Variants in PDE6G observed in about 807,000 individuals in gnomAD.
PDE6G encodes the protein rod cGMP 3',5'-cyclic phosphodiesterase subunit gamma.
In PDE6G, 10 loss-of-function variants were observed where a neutral mutation model predicts 10.9. The ratio of observed to expected loss-of-function variants is 0.91; its 90% CI spans 0.56 to 1.55. The LOEUF (loss-of-function observed/expected upper bound fraction) is 1.55, where lower values mean the gene tolerates loss of function less well. Among genes scored for constraint, PDE6G ranks in the 40% most tolerant of loss-of-function variants. The probability of loss-of-function intolerance (pLI) is 0.00; values close to 1 mark genes in which losing one functional copy is unlikely to be tolerated. For missense variants in PDE6G, 102 were observed against 110.1 expected (o/e 0.93, Z 0.33); for synonymous variants, 41 against 42.8 (o/e 0.96, Z 0.16).
chr17:81,653,200 T>G lies in PDE6G; in HGVS notation c.106A>C (p.Arg36=). The change falls in exon 2 of 4, where the codon AGG becomes CGG. Residue 36 remains arginine, a synonymous_variant. Coordinates refer to ENST00000331056, the MANE Select transcript of PDE6G (RefSeq NM_002602.4). The surrounding 1 kb of genome is among the most constrained non-coding windows in gnomAD (Gnocchi z 5.2). ...GPPKFKQRQT[R]QFKSKPPKKG... is the part of the protein sequence containing the mutation. Reference sequence around the variant, plus strand: ...TTTGGGGGCTTGCTCTTGAACTGCCTGGTCTGTCGCTGCTTAAATTTAGGG... The same window carrying G: ...TTTGGGGGCTTGCTCTTGAACTGCCGGGTCTGTCGCTGCTTAAATTTAGGG... 3 of 1,614,172 alleles carry G rather than the reference T, an allele frequency of 1.9e-6. No individual in the cohort carries two copies. Among genetic ancestry groups the G allele is most frequent in the Non-Finnish European group, 2.5e-6 (3 of 1,180,032 alleles).
chr17:81,651,422 C>T lies in PDE6G; in HGVS notation c.187+223G>A, dbSNP rs532321770. On this transcript the variant is annotated intron_variant, in intron 3 of 3. Coordinates refer to ENST00000331056, the MANE Select transcript of PDE6G (RefSeq NM_002602.4). This position sits in a 1 kb window ranked among gnomAD's most constrained non-coding sequence, Gnocchi z 4.8. ...GGGTTCTGTTCTTTCCCAAACCCCT[C>T]CCCTCACCTGGTGCAAGTGTCCCAA... 2.0e-5 allele frequency among the ~76,000 whole-genome samples: 3 copies of T among 152,144 alleles called. No individual in the cohort carries two copies. The South Asian group carries it at 6.2e-4, about 32-fold the overall frequency.
In PDE6G at chr17:81,653,461, G is replaced by T. The variant is rs1239877833; in HGVS notation, c.-59-97C>A. 1.3e-6 allele frequency: 1 copy of T among 768,184 alleles called. No individual in the cohort carries two copies. Among genetic ancestry groups the T allele is most frequent in the Non-Finnish European group, 2.1e-6 (1 of 474,586 alleles). The allele number at this position is 768,184 out of a possible 1,614,324, so 47.6% of individuals were successfully genotyped here. On this transcript the variant is annotated intron_variant, in intron 1 of 3. Transcript: ENST00000331056. This position sits in a 1 kb window ranked among gnomAD's most constrained non-coding sequence, Gnocchi z 5.2. Reference sequence around the variant, plus strand: ...GGTGGAGGGGCTGAGACCCAGCCCCGCCAGCTCCAGCGTCATCCAGACAGC... The same window carrying T: ...GGTGGAGGGGCTGAGACCCAGCCCCTCCAGCTCCAGCGTCATCCAGACAGC...
Position 81,653,017 on chromosome 17 carries a change from G to A in PDE6G, c.146+143C>T. 2.0e-6 allele frequency: 2 copies of A among 987,470 alleles called. No homozygotes were observed. Among genetic ancestry groups the A allele is most frequent in the African/African-American group, 3.2e-5 (2 of 62,966 alleles). 61.2% of individuals were successfully genotyped at this position (987,470 alleles called of 1,614,324 possible). The stretch of plus-strand genomic sequence containing the variant: ...CCTCCATCCCTGCTCAGGCCCTCAG[G>A]CACCGCCCTACCTTCCCCAGCTGTG... On this transcript the variant is annotated intron_variant, in intron 2 of 3. Transcript: ENST00000331056. This position sits in a 1 kb window ranked among gnomAD's most constrained non-coding sequence, Gnocchi z 5.2.
At chr17:81,660,347 G>T (rs57496994), upstream of PDE6G, among the ~76,000 whole-genome samples, 5,749 of 152,216 alleles carry the variant, frequency 0.038, 364 homozygotes, top group African/African-American at 0.13. Flanking sequence ...GGTAAGTGGA[G>T]GTTGCAGTGA....
chr17:81,660,537 T>C (rs68177983), upstream of PDE6G, among the ~76,000 whole-genome samples: 27,922 of 152,218 alleles, frequency 0.18, 2,563 homozygotes, highest in Middle Eastern at 0.24. Context: ...AACTGTTTTT[T>C]GTTTGTTTTT....
upstream of PDE6G, among the ~76,000 whole-genome samples, chr17:81,658,349 G>A (rs902259616): frequency 1.3e-5 from 2 of 151,040 alleles, no homozygotes; most frequent in Admixed American, 6.6e-5. Context: ...CTCCCGAAGT[G>A]CTGGGATTAC....
chr17:81,650,912 T>A lies in PDE6G; in HGVS notation c.*162A>T, dbSNP rs777723835. On this transcript the variant is annotated 3_prime_UTR_variant, in exon 4 of 4. Transcript: ENST00000331056. ...CTAGAGGGAGGTGGTGGGCTCCTGG[T>A]GACTGGTATTAATATGTAGGGGGAG... is the stretch of plus-strand genomic sequence containing the variant. The A allele has an allele frequency of 3.5e-5, 24 of 691,366 alleles. No individual in the cohort carries two copies. Among genetic ancestry groups the A allele is most frequent in the Non-Finnish European group, 5.9e-5 (22 of 374,498 alleles). 42.8% of individuals were successfully genotyped at this position (691,366 alleles called of 1,614,324 possible).
At chr17:81,655,324 G>C (rs2036429644) in intron 1 of PDE6G, among the ~76,000 whole-genome samples, 1 of 152,246 alleles carries the variant, frequency 6.6e-6, no homozygotes, top group Admixed American at 6.5e-5. Flanking sequence ...ACTTCATAGA[G>C]GGACAAGCTG....
intron 1 of PDE6G, among the ~76,000 whole-genome samples, chr17:81,662,549 C>T (rs775012549): frequency 2.0e-5 from 3 of 151,046 alleles, no homozygotes. Flanking sequence ...CTTGAACCCG[C>T]GAGGTGGAGG....
Position 81,653,567 on chromosome 17 carries a change from G to A in PDE6G, c.-59-203C>T. 3 of 531,712 alleles carry A rather than the reference G, an allele frequency of 5.6e-6. No individual in the cohort carries two copies. In the South Asian group the frequency reaches 6.1e-5, roughly 11 times the overall value. The allele number at this position is 531,712 out of a possible 1,614,324, so 32.9% of individuals were successfully genotyped here. A position where few individuals can be genotyped will look rare whatever the true frequency, so the allele number is the denominator to read the frequency against. On this transcript the variant is annotated intron_variant, in intron 1 of 3. Coordinates refer to ENST00000331056, the MANE Select transcript of PDE6G (RefSeq NM_002602.4). The surrounding 1 kb of genome is among the most constrained non-coding windows in gnomAD (Gnocchi z 5.2). ...CGCACGCTCCCATTCCCCTTGCCTAGTGGATGCCCCCCTGCAACGCTGGCC... is the reference window on the plus strand; with the variant it reads ...CGCACGCTCCCATTCCCCTTGCCTAATGGATGCCCCCCTGCAACGCTGGCC...
Position 81,651,577 on chromosome 17 carries a change from C to A in PDE6G, c.187+68G>T. On this transcript the variant is annotated intron_variant, in intron 3 of 3. Transcript: ENST00000331056. This position sits in a 1 kb window ranked among gnomAD's most constrained non-coding sequence, Gnocchi z 4.8. The stretch of plus-strand genomic sequence containing the variant: ...GGGGCCGAGGTGGGCTGCAATGGGC[C>A]CCGGGCGTGCTGGGTGTGCCTGGGG... 1 of 1,490,618 alleles carries A rather than the reference C, an allele frequency of 6.7e-7. No homozygotes were observed. The allele number at this position is 1,490,618 out of a possible 1,614,324, so 92.3% of individuals were successfully genotyped here.
rs745331157 is a variant in PDE6G at position 81,651,171 on chromosome 17, G to T, written c.188-21C>A. The T allele has an allele frequency of 2.5e-6, 4 of 1,571,070 alleles. No individual in the cohort carries two copies. The East Asian group carries it at 9.0e-5, about 35-fold the overall frequency. Reference sequence around the variant, plus strand: ...GATGTCTGTGGGAGAAACGGGCCACGGATCAGAGAGGATCCCACGGCCTAG... The same window carrying T: ...GATGTCTGTGGGAGAAACGGGCCACTGATCAGAGAGGATCCCACGGCCTAG... On this transcript the variant is annotated intron_variant, in intron 3 of 3. Transcript: ENST00000331056. The surrounding 1 kb of genome is among the most constrained non-coding windows in gnomAD (Gnocchi z 4.8).
In PDE6G at chr17:81,653,168, G is replaced by C; in HGVS notation, c.138C>G (p.Gly46=). 6.2e-7 allele frequency: 1 copy of C among 1,613,902 alleles called. No individual in the cohort carries two copies. The change falls in exon 2 of 4, where the codon GGC becomes GGG. Residue 46 remains glycine, a synonymous_variant. Coordinates refer to ENST00000331056, the MANE Select transcript of PDE6G (RefSeq NM_002602.4). The surrounding 1 kb of genome is among the most constrained non-coding windows in gnomAD (Gnocchi z 5.2). Reference sequence around the variant, plus strand: ...CCCCCAGCTCTGCTTACCCTTGAACGCCTTTCTTTGGGGGCTTGCTCTTGA... The same window carrying C: ...CCCCCAGCTCTGCTTACCCTTGAACCCCTTTCTTTGGGGGCTTGCTCTTGA... ...RQFKSKPPKK[G]VQGFGDDIPG...
At chr17:81,662,017 C>T (rs1414276465) in intron 1 of PDE6G, among the ~76,000 whole-genome samples, 5 of 151,792 alleles carry the variant, frequency 3.3e-5, no homozygotes, top group African/African-American at 9.7e-5. Flanking sequence ...GGTGACAGGG[C>T]GAGACTCTGT....
chr17:81,651,194 T>C lies in PDE6G; in HGVS notation c.188-44A>G. 1 of 1,420,024 alleles carries C rather than the reference T, an allele frequency of 7.0e-7. No homozygotes were observed. The highest frequency in any genetic ancestry group is 1.0e-6 in the Non-Finnish European group (1 of 1,004,068). The allele number at this position is 1,420,024 out of a possible 1,614,324, so 88.0% of individuals were successfully genotyped here. On this transcript the variant is annotated intron_variant, in intron 3 of 3. Coordinates refer to ENST00000331056, the MANE Select transcript of PDE6G (RefSeq NM_002602.4). The surrounding 1 kb of genome is among the most constrained non-coding windows in gnomAD (Gnocchi z 4.8). Reference sequence around the variant, plus strand: ...ACGGATCAGAGAGGATCCCACGGCCTAGGGACCCCCCCATCCCCTGTGGCC... The same window carrying C: ...ACGGATCAGAGAGGATCCCACGGCCCAGGGACCCCCCCATCCCCTGTGGCC...
Position 81,653,443 on chromosome 17 carries a change from G to C in PDE6G, c.-59-79C>G. The stretch of plus-strand genomic sequence containing the variant: ...TGGGGGTCTCAACCCACCGGTGGAG[G>C]GGCTGAGACCCAGCCCCGCCAGCTC... On this transcript the variant is annotated intron_variant, in intron 1 of 3. Transcript: ENST00000331056. This position sits in a 1 kb window ranked among gnomAD's most constrained non-coding sequence, Gnocchi z 5.2. 1 of 979,416 alleles carries C rather than the reference G, an allele frequency of 1.0e-6. No individual in the cohort carries two copies. The highest frequency in any genetic ancestry group is 1.5e-6 in the Non-Finnish European group (1 of 655,788). 60.7% of individuals were successfully genotyped at this position (979,416 alleles called of 1,614,324 possible). A position where few individuals can be genotyped will look rare whatever the true frequency, so the allele number is the denominator to read the frequency against.
chr17:81,663,116 C>A (rs1282450676), upstream of PDE6G: 1 of 152,190 alleles, frequency 6.6e-6, no homozygotes, highest in Non-Finnish European at 1.5e-5. Flanking sequence ...GAGAGGAATT[C>A]ATTCACCGGC....
rs867007777 is a variant in PDE6G at position 81,656,042 on chromosome 17, C to T, written c.-60+451G>A. Among the ~76,000 whole-genome samples the T allele has an allele frequency of 4.6e-5, 7 of 152,226 alleles. No homozygotes were observed. In the Middle Eastern group the frequency reaches 0.014, roughly 296 times the overall value. Reference sequence around the variant, plus strand: ...TCCCAGCTGCTCAGATCCCATGGCACCCAATCCTCATATCCTAGATAGCAC... The same window carrying T: ...TCCCAGCTGCTCAGATCCCATGGCATCCAATCCTCATATCCTAGATAGCAC... On this transcript the variant is annotated intron_variant, in intron 1 of 3. Transcript: ENST00000331056.
Position 81,653,617 on chromosome 17 carries a change from G to A in PDE6G, c.-59-253C>T. 2.3e-6 allele frequency: 1 copy of A among 428,994 alleles called. No homozygotes were observed. Among genetic ancestry groups the A allele is most frequent in the Non-Finnish European group, 4.4e-6 (1 of 229,146 alleles). The allele number at this position is 428,994 out of a possible 1,614,324, so 26.6% of individuals were successfully genotyped here. A position where few individuals can be genotyped will look rare whatever the true frequency, so the allele number is the denominator to read the frequency against. On this transcript the variant is annotated intron_variant, in intron 1 of 3. Transcript: ENST00000331056. The surrounding 1 kb of genome is among the most constrained non-coding windows in gnomAD (Gnocchi z 5.2). Reference sequence around the variant, plus strand: ...CACACACAGCTCCGGACTCCCCCCTGTCCTGGCCTCCCTCGCCCCGGCCCA... The same window carrying A: ...CACACACAGCTCCGGACTCCCCCCTATCCTGGCCTCCCTCGCCCCGGCCCA...
Sources: allele counts gnomAD v4.1 joint callset (sites outside exome capture counted in the v4.1 genomes callset), GRCh38; gene constraint gnomAD v4.1.1; non-coding constraint Gnocchi (gnomAD v3.1); transcripts MANE v1.5; gene names NCBI Gene and HGNC (gene_info 2026-07-23, HGNC 2026-07-21).